The following CACNA1C variants were observed in gnomAD, a reference collection of about 807,000 sequenced individuals.
CACNA1C encodes the protein calcium voltage-gated channel subunit alpha1 C.
In CACNA1C, 30 loss-of-function variants were observed where a neutral mutation model predicts 229.0. That is an observed-to-expected ratio of 0.13 (90% CI 0.10 to 0.18). The LOEUF (loss-of-function observed/expected upper bound fraction) is 0.18, where lower values mean the gene tolerates loss of function less well. Ranked by LOEUF, CACNA1C falls within the 10% of genes least tolerant of loss-of-function variation. The probability of loss-of-function intolerance (pLI) is 1.00; values close to 1 mark genes in which losing one functional copy is unlikely to be tolerated. For synonymous variants in CACNA1C, 1,114 were observed against 1,132.5 expected (o/e 0.98, Z 0.33); for missense variants, 1,658 against 2,845.0 (o/e 0.58, Z 9.49).
rs542160779 is a variant in CACNA1C at position 2,319,828 on chromosome 12, C to T, written c.478-129148C>T. Among the ~76,000 whole-genome samples the T allele has an allele frequency of 2.6e-5, 4 of 152,164 alleles. No homozygotes were observed. Among genetic ancestry groups the T allele is most frequent in the African/African-American group, 9.6e-5 (4 of 41,508 alleles). On this transcript the variant is annotated intron_variant, in intron 3 of 46. Transcript: ENST00000399655. The surrounding 1 kb of genome is among the most constrained non-coding windows in gnomAD (Gnocchi z 4.0). ...CCCTGAAAGAGCCTGCCAGGTATCC[C>T]CTTCTAGCAGGAGGGGCCCCCAGAC...
chr12:2,386,630 A>G (rs2098396381), intron 3 of CACNA1C, among the ~76,000 whole-genome samples: 1 of 152,130 alleles, frequency 6.6e-6, no homozygotes, highest in Non-Finnish European at 1.5e-5. Context: ...CTCCCCACAC[A>G]GGTTCACCAC....
chr12:2,341,593 C>G (rs1029416797), intron 3 of CACNA1C, among the ~76,000 whole-genome samples: 1 of 152,238 alleles, frequency 6.6e-6, no homozygotes, highest in Non-Finnish European at 1.5e-5. Flanking sequence ...TGACGTTATC[C>G]ACATGCCTTA....
At chr12:2,115,137 A>C in intron 1 of CACNA1C, 87 bp from the exon 2 acceptor site, 1 of 1,104,946 alleles carries the variant, frequency 9.1e-7, no homozygotes, top group Non-Finnish European at 1.3e-6. Flanking sequence ...GGTTTTGAAA[A>C]AATTGTGAAT....
chr12:2,124,288 G>C (rs1179173048), intron 3 of CACNA1C, among the ~76,000 whole-genome samples: 1 of 152,182 alleles, frequency 6.6e-6, no homozygotes, highest in Non-Finnish European at 1.5e-5. Context: ...GATTCATTTT[G>C]CTGTAGAGAA....
chr12:2,682,647 T>A lies in CACNA1C; in HGVS notation c.5542T>A (p.Cys1848Ser). ...EVKMNHDTEA[C>S]SEPSLLSTEM... is the part of the protein sequence containing the mutation. ...GAAGATGAACCATGACACGGAGGCC[T>A]GCAGTGAGCCCAGCCTGCTCTCCAC... The change falls in exon 43 of 47, where the codon TGC becomes AGC. Residue 1848 changes from cysteine (C) to serine (S), a missense_variant. Coordinates refer to ENST00000399655, the MANE Select transcript of CACNA1C (RefSeq NM_000719.7). The A allele has an allele frequency of 6.2e-7, 1 of 1,611,966 alleles. No homozygotes were observed. The highest frequency in any genetic ancestry group is 8.5e-7 in the Non-Finnish European group (1 of 1,179,538).
At chr12:2,683,918 C>T (rs1448305633) in intron 43 of CACNA1C, among the ~76,000 whole-genome samples, 3 of 152,224 alleles carry the variant, frequency 2.0e-5, no homozygotes, top group African/African-American at 7.2e-5. Context: ...AGGAGCCCCA[C>T]GGGGGCCCAG....
At chr12:2,088,324 G>A (rs1483628227) in intron 1 of CACNA1C, among the ~76,000 whole-genome samples, 1 of 152,224 alleles carries the variant, frequency 6.6e-6, no homozygotes, top group Non-Finnish European at 1.5e-5. Context: ...TGGAGGCTGG[G>A]GAGGAAGGAG....
At chr12:2,398,907 G>C (rs11837977) in intron 3 of CACNA1C, among the ~76,000 whole-genome samples, 14 of 152,122 alleles carry the variant, frequency 9.2e-5, no homozygotes, top group African/African-American at 3.1e-4. Flanking sequence ...TAGTATTTTT[G>C]TTATTGGTAA....
intron 5 of CACNA1C, among the ~76,000 whole-genome samples, chr12:2,458,906 C>G (rs1049397361): frequency 4.6e-5 from 7 of 152,080 alleles, no homozygotes; most frequent in African/African-American, 1.7e-4. Context: ...CCAGCTCTTT[C>G]CTGCCATACA....
chr12:2,620,596 A>G (rs2082740967), intron 29 of CACNA1C, among the ~76,000 whole-genome samples: 1 of 152,196 alleles, frequency 6.6e-6, no homozygotes, highest in Admixed American at 6.5e-5. Context: ...TGGCCCCTGC[A>G]TTCCCTAGAT....
chr12:2,430,629 T>C (rs969884474), intron 3 of CACNA1C, among the ~76,000 whole-genome samples: 2 of 152,132 alleles, frequency 1.3e-5, no homozygotes, highest in African/African-American at 4.8e-5. Context: ...ATGTGCTCCG[T>C]AAACACTTCC....
intron 3 of CACNA1C, among the ~76,000 whole-genome samples, chr12:2,220,316 C>A (rs1023788263): frequency 1.3e-5 from 2 of 152,134 alleles, no homozygotes; most frequent in Non-Finnish European, 2.9e-5. Flanking sequence ...AGTTGTGAGG[C>A]CTGTGCATGC....
intron 3 of CACNA1C, among the ~76,000 whole-genome samples, chr12:2,140,142 C>T (rs902783041): frequency 2.0e-5 from 3 of 151,262 alleles, no homozygotes; most frequent in African/African-American, 7.3e-5. Context: ...GTGTTGTCAT[C>T]ATATTTTGGC....
chr12:2,052,938 G>A, upstream of CACNA1C: 1 of 974,484 alleles, frequency 1.0e-6, no homozygotes, highest in Non-Finnish European at 1.2e-6. Flanking sequence ...GCGCGGGCGC[G>A]GCGGGGCTGG....
rs1397657359 is a variant in CACNA1C at position 2,679,944 on chromosome 12, A to C, written c.5444+148A>C. On this transcript the variant is annotated intron_variant, in intron 42 of 46. Transcript: ENST00000399655. This position sits in a 1 kb window ranked among gnomAD's most constrained non-coding sequence, Gnocchi z 5.5. ...TGCCCCAGACTCCAGCAAGAGCAGG[A>C]GGCACTATGCTGTCTCCCAAGTCCT... 1.1e-5 allele frequency: 7 copies of C among 649,190 alleles called. No homozygotes were observed. The highest frequency in any genetic ancestry group is 1.8e-5 in the African/African-American group (1 of 54,830). 40.2% of individuals were successfully genotyped at this position (649,190 alleles called of 1,614,324 possible).
At chr12:2,276,455 G>C (rs1426435592) in intron 3 of CACNA1C, among the ~76,000 whole-genome samples, 1 of 152,230 alleles carries the variant, frequency 6.6e-6, no homozygotes, top group East Asian at 1.9e-4. Context: ...GAAAAGAGCA[G>C]AGATGCTTTT....
At chr12:2,391,273 C>T (rs565721525) in intron 3 of CACNA1C, among the ~76,000 whole-genome samples, 1 of 152,254 alleles carries the variant, frequency 6.6e-6, no homozygotes, top group Non-Finnish European at 1.5e-5. Flanking sequence ...GAGTTTGTAT[C>T]TATGGGTCTG....
At chr12:2,455,653 G>A (rs1400771129) in intron 4 of CACNA1C, among the ~76,000 whole-genome samples, 4 of 151,984 alleles carry the variant, frequency 2.6e-5, no homozygotes, top group Non-Finnish European at 5.9e-5. Context: ...ATGTCTGCTG[G>A]GTGTTTGTCC....
intron 3 of CACNA1C, among the ~76,000 whole-genome samples, chr12:2,414,901 C>G (rs1032439162): frequency 6.6e-6 from 1 of 152,158 alleles, no homozygotes; most frequent in African/African-American, 2.4e-5. Context: ...CTCCCAAGAA[C>G]TGGCCCAAAG....
Sources: allele counts gnomAD v4.1 joint callset (sites outside exome capture counted in the v4.1 genomes callset), GRCh38; gene constraint gnomAD v4.1.1; non-coding constraint Gnocchi (gnomAD v3.1); transcripts MANE v1.5; gene names NCBI Gene and HGNC (gene_info 2026-07-23, HGNC 2026-07-21).